Variants in ITPR1 observed in about 807,000 individuals in gnomAD.
ITPR1 encodes the protein inositol 1,4,5-trisphosphate receptor type 1.
In ITPR1, 96 loss-of-function variants were observed where a neutral mutation model predicts 318.4. That is an observed-to-expected ratio of 0.30 (90% CI 0.26 to 0.36). The LOEUF (loss-of-function observed/expected upper bound fraction) is 0.36, where lower values mean the gene tolerates loss of function less well. Among genes scored for constraint, ITPR1 ranks in the 10% least tolerant of loss-of-function variants. The pLI is 1.00. For missense variants in ITPR1, 2,440 were observed against 3,460.2 expected (o/e 0.71, Z 7.40); for synonymous variants, 1,312 against 1,289.9 (o/e 1.02, Z -0.37).
At chr3:4,692,430 A>G (rs2094495136) in intron 32 of ITPR1, among the ~76,000 whole-genome samples, 1 of 152,212 alleles carries the variant, frequency 6.6e-6, no homozygotes, top group Non-Finnish European at 1.5e-5. Context: ...TAGCACTGTG[A>G]GTTAGCTATT....
At chr3:4,525,489 C>T (rs2082905948) in intron 4 of ITPR1, among the ~76,000 whole-genome samples, 1 of 152,072 alleles carries the variant, frequency 6.6e-6, no homozygotes, top group Admixed American at 6.5e-5. Flanking sequence ...GTATCTCTTG[C>T]CTCTAACTTC....
intron 44 of ITPR1, chr3:4,749,130 G>A (rs1475674208): frequency 6.6e-6 from 1 of 152,182 alleles, no homozygotes; most frequent in Non-Finnish European, 1.5e-5. Flanking sequence ...GTTAGTATTA[G>A]GTAACCTTGA....
At chr3:4,602,860 A>C (rs1389241376) in intron 4 of ITPR1, among the ~76,000 whole-genome samples, 1 of 151,454 alleles carries the variant, frequency 6.6e-6, no homozygotes, top group Non-Finnish European at 1.5e-5. Flanking sequence ...GAGAATGGGG[A>C]GTGACTATTA....
At chr3:4,762,479 G>A (rs2045523292) in intron 44 of ITPR1, among the ~76,000 whole-genome samples, 1 of 152,214 alleles carries the variant, frequency 6.6e-6, no homozygotes, top group Non-Finnish European at 1.5e-5. Flanking sequence ...TCTGACTCTG[G>A]AAACAGAGCT....
intron 7 of ITPR1, among the ~76,000 whole-genome samples, chr3:4,642,618 A>G (rs1316414118): frequency 3.3e-5 from 5 of 152,250 alleles, no homozygotes; most frequent in Non-Finnish European, 7.3e-5. Flanking sequence ...TTCATAAAGG[A>G]TAGAGGATGG....
chr3:4,718,012 A>C (rs985152824), intron 40 of ITPR1, among the ~76,000 whole-genome samples: 1 of 152,178 alleles, frequency 6.6e-6, no homozygotes, highest in Non-Finnish European at 1.5e-5. Context: ...CCAGAAATTG[A>C]ATATCATCCA....
intron 4 of ITPR1, among the ~76,000 whole-genome samples, chr3:4,532,251 G>C (rs889471999): frequency 6.6e-6 from 1 of 152,176 alleles, no homozygotes. Context: ...GACCTCTAAG[G>C]CATTGCTTCT....
chr3:4,837,909 C>T (rs1473266872), intron 61 of ITPR1, among the ~76,000 whole-genome samples: 1 of 152,056 alleles, frequency 6.6e-6, no homozygotes, highest in Admixed American at 6.6e-5. Flanking sequence ...TAATCAACTC[C>T]ATAGACAAGA....
At position 4,625,538 on chromosome 3, in the gene ITPR1, CA is replaced by C. The variant is rs752245248; in HGVS notation, c.164-2224del. ...TGTCATTTTTCTGAATATCAGTATC[CA>C]CTTCAAGTTCGTTAATTTTTTATTT... is the stretch of plus-strand genomic sequence containing the variant. On this transcript the variant is annotated intron_variant, in intron 4 of 61. Transcript: ENST00000649015. 4.0e-4 allele frequency among the ~76,000 whole-genome samples: 61 copies of C among 151,930 alleles called. 1 individual carries two copies. The highest frequency in any genetic ancestry group is 5.6e-4 in the Non-Finnish European group (38 of 67,950).
intron 4 of ITPR1, among the ~76,000 whole-genome samples, chr3:4,604,683 T>C (rs1575684742): frequency 6.6e-6 from 1 of 152,048 alleles, no homozygotes; most frequent in East Asian, 1.9e-4. Context: ...GAAGGGGCCC[T>C]GCGCAGAAGA....
At chr3:4,831,104 TTGTCTCTC>T in intron 60 of ITPR1, 1 of 368,878 alleles carries the variant, frequency 2.7e-6, no homozygotes, top group Non-Finnish European at 5.2e-6. Context: ...CTGTCTGTCT[TTGTCTCTC>T]TCTCTCTCTC....
intron 43 of ITPR1, among the ~76,000 whole-genome samples, 164 bp from the exon 44 acceptor site, chr3:4,735,000 C>G (rs915734734): frequency 6.6e-6 from 1 of 152,186 alleles, no homozygotes; most frequent in Non-Finnish European, 1.5e-5. Flanking sequence ...GCACCTTCAT[C>G]GCTCTGTGTT....
chr3:4,773,873 G>A (rs1208944057), intron 46 of ITPR1, among the ~76,000 whole-genome samples: 2 of 152,238 alleles, frequency 1.3e-5, no homozygotes, highest in East Asian at 1.9e-4. Flanking sequence ...AGGGATTTGG[G>A]TTAAGTTGTA....
chr3:4,553,821 G>C (rs562709635), intron 4 of ITPR1, among the ~76,000 whole-genome samples: 4 of 151,972 alleles, frequency 2.6e-5, no homozygotes, highest in African/African-American at 9.7e-5. Flanking sequence ...GGATGGTCTC[G>C]AACTCCTGAC....
intron 44 of ITPR1, among the ~76,000 whole-genome samples, chr3:4,765,335 C>A (rs2045744724): frequency 6.6e-6 from 1 of 152,082 alleles, no homozygotes; most frequent in Non-Finnish European, 1.5e-5. Flanking sequence ...AAGGGCATGA[C>A]CAAGAAGTGC....
At chr3:4,744,954 CTCCCTCCT>C (rs1206761466) in intron 44 of ITPR1, among the ~76,000 whole-genome samples, 3 of 124,140 alleles carry the variant, frequency 2.4e-5, no homozygotes, top group African/African-American at 9.3e-5. Flanking sequence ...CCTTCCCTCC[CTCCCTCCT>C]TCCTTCCTTC....
chr3:4,529,801 T>C (rs1051450370), intron 4 of ITPR1, among the ~76,000 whole-genome samples: 2 of 152,240 alleles, frequency 1.3e-5, no homozygotes, highest in South Asian at 4.1e-4. Context: ...CATTAGTGAA[T>C]ATAATCTATT....
intron 34 of ITPR1, among the ~76,000 whole-genome samples, chr3:4,699,496 C>G (rs1199714394): frequency 1.2e-4 from 19 of 152,176 alleles, no homozygotes; most frequent in Admixed American, 1.2e-3. Context: ...ATTTAAGACA[C>G]CTGTAGTCAC....
At chr3:4,758,952 C>T (rs2045230860) in intron 44 of ITPR1, among the ~76,000 whole-genome samples, 1 of 152,232 alleles carries the variant, frequency 6.6e-6, no homozygotes, top group African/African-American at 2.4e-5. Flanking sequence ...TTGATTACTA[C>T]CAAGAGCTAC....
Sources: gnomAD v4.1 joint callset for allele counts (sites outside exome capture counted in the v4.1 genomes callset) on GRCh38, gnomAD v4.1.1 for gene constraint, MANE v1.5 for transcripts, NCBI Gene and HGNC (gene_info 2026-07-23, HGNC 2026-07-21) for gene names.